RABGEF1: variants seen among roughly 807,000 people sequenced by gnomAD.
RABGEF1 encodes rab5 GDP/GTP exchange factor.
RABGEF1 carries 26 observed loss-of-function variants against 57.3 expected under a neutral mutation model. That is an observed-to-expected ratio of 0.45 (90% CI 0.33 to 0.63). The LOEUF is 0.63. RABGEF1 is among the 20% of genes least tolerant of loss of function. The probability of loss-of-function intolerance (pLI) is 0.02; values close to 1 mark genes in which losing one functional copy is unlikely to be tolerated. For missense variants in RABGEF1, 464 were observed against 607.6 expected (o/e 0.76, Z 2.48); for synonymous variants, 185 against 210.7 (o/e 0.88, Z 1.06).
chr7:66,699,927 A>G (rs1792972952), intron 1 of RABGEF1, among the ~76,000 whole-genome samples: 1 of 152,216 alleles, frequency 6.6e-6, no homozygotes, highest in African/African-American at 2.4e-5. Flanking sequence ...CTAAGGCAGG[A>G]AAGAGCCTGT....
chr7:66,748,888 C>A, intron 1 of RABGEF1: 1 of 244,428 alleles, frequency 4.1e-6, no homozygotes, highest in Non-Finnish European at 8.9e-6. Context: ...TTGAAACCCT[C>A]ACAGAGTTTT....
intron 1 of RABGEF1, among the ~76,000 whole-genome samples, chr7:66,698,124 A>G (rs1176808740): frequency 6.7e-6 from 1 of 148,232 alleles, no homozygotes; most frequent in Non-Finnish European, 1.5e-5. Flanking sequence ...TCAGACCAGT[A>G]CTTCAGGATA....
intron 2 of RABGEF1, among the ~76,000 whole-genome samples, chr7:66,719,373 T>A (rs1299771049): frequency 6.6e-6 from 1 of 152,104 alleles, no homozygotes; most frequent in Non-Finnish European, 1.5e-5. Flanking sequence ...CAGCTAATTT[T>A]TATATATATT....
At chr7:66,759,190 C>T (rs1693869568) in intron 1 of RABGEF1, among the ~76,000 whole-genome samples, 1 of 152,192 alleles carries the variant, frequency 6.6e-6, no homozygotes, top group Admixed American at 6.5e-5. Flanking sequence ...CCCAGGGCTG[C>T]CCCCAGGTTT....
chr7:66,707,557 A>C (rs1794281103), intron 1 of RABGEF1, among the ~76,000 whole-genome samples: 1 of 152,130 alleles, frequency 6.6e-6, no homozygotes, highest in South Asian at 2.1e-4. Context: ...TCGTGGTGGC[A>C]CACACCTGTA....
At chr7:66,683,815 A>G (rs912992095) in intron 1 of RABGEF1, among the ~76,000 whole-genome samples, 14 of 152,018 alleles carry the variant, frequency 9.2e-5, no homozygotes, top group Non-Finnish European at 2.9e-5. Context: ...ATCACGAGTC[A>G]CTGAAGTCTC....
chr7:66,773,866 A>G (rs760260710), intron 2 of RABGEF1: 9 of 417,502 alleles, frequency 2.2e-5, no homozygotes, highest in Non-Finnish European at 3.8e-5. Flanking sequence ...GGGTTTCACC[A>G]TGTTGCCCAG....
chr7:66,780,057 A>G (rs559778312), intron 3 of RABGEF1, among the ~76,000 whole-genome samples: 1 of 152,192 alleles, frequency 6.6e-6, no homozygotes, highest in Non-Finnish European at 1.5e-5. Context: ...TTTTTGTTTT[A>G]AAGCAAAAGT....
At chr7:66,790,967 C>T (rs987062867) in intron 4 of RABGEF1, among the ~76,000 whole-genome samples, 6 of 152,208 alleles carry the variant, frequency 3.9e-5, no homozygotes, top group African/African-American at 1.4e-4. Context: ...AATCTGGACC[C>T]TTCTGTCTGC....
At chr7:66,685,331 C>A (rs1346977579) in intron 1 of RABGEF1, among the ~76,000 whole-genome samples, 3 of 151,824 alleles carry the variant, frequency 2.0e-5, no homozygotes, top group Non-Finnish European at 2.9e-5. Context: ...TTACTTCTGT[C>A]TTGTATTTTA....
intron 1 of RABGEF1, among the ~76,000 whole-genome samples, chr7:66,767,077 A>G (rs1249545249): frequency 7.2e-6 from 1 of 139,764 alleles, no homozygotes; most frequent in African/African-American, 2.7e-5. Flanking sequence ...ATCTTGGCTC[A>G]CTGCAACCTC....
intron 1 of RABGEF1, among the ~76,000 whole-genome samples, chr7:66,760,497 G>A (rs952285120): frequency 6.8e-6 from 1 of 146,934 alleles, no homozygotes; most frequent in Admixed American, 6.9e-5. Flanking sequence ...AGGCTGGAGT[G>A]CAATGGCACG....
intron 1 of RABGEF1, among the ~76,000 whole-genome samples, chr7:66,696,020 C>T (rs4717310): frequency 0.5 from 75,531 of 151,116 alleles, 19,829 homozygotes; most frequent in East Asian, 0.73. Flanking sequence ...TGGGGAGAGA[C>T]AGAGCTGGGT....
intron 1 of RABGEF1, among the ~76,000 whole-genome samples, chr7:66,703,923 C>T (rs1793647133): frequency 6.6e-6 from 1 of 152,162 alleles, no homozygotes; most frequent in Admixed American, 6.6e-5. Flanking sequence ...AGTCTATGAA[C>T]ATGGGACGCT....
intron 8 of RABGEF1, among the ~76,000 whole-genome samples, chr7:66,805,911 ATTT>A (rs397966748): frequency 7.1e-6 from 1 of 140,974 alleles, no homozygotes; most frequent in Non-Finnish European, 1.6e-5. Context: ...CACCGGGCCA[ATTT>A]TTTTTTTTTT....
chr7:66,740,230 C>T (rs1798600611), upstream of RABGEF1: 1 of 152,828 alleles, frequency 6.5e-6, no homozygotes, highest in Non-Finnish European at 1.5e-5. Context: ...GCCTGGGCCT[C>T]CTAAAGATTC....
chr7:66,738,731 C>CAA (rs546724986), upstream of RABGEF1, among the ~76,000 whole-genome samples: 1,586 of 94,932 alleles, frequency 0.017, 50 homozygotes, highest in East Asian at 0.095. Context: ...GACTCTAACT[C>CAA]AAAAAAAAAA....
intron 1 of RABGEF1, among the ~76,000 whole-genome samples, chr7:66,770,626 G>A (rs1200686173): frequency 6.6e-6 from 1 of 152,116 alleles, no homozygotes; most frequent in African/African-American, 2.4e-5. Context: ...TGGGACTACA[G>A]GCATACACCA....
intron 2 of RABGEF1, among the ~76,000 whole-genome samples, chr7:66,730,345 A>G (rs1168035695): frequency 1.3e-5 from 2 of 152,134 alleles, no homozygotes; most frequent in Admixed American, 1.3e-4. Flanking sequence ...GGGATAAACA[A>G]TAGGCTCCAC....
Sources: gnomAD v4.1 joint callset for allele counts (sites outside exome capture counted in the v4.1 genomes callset) on GRCh38, gnomAD v4.1.1 for gene constraint, MANE v1.5 for transcripts, NCBI Gene and HGNC (gene_info 2026-07-23, HGNC 2026-07-21) for gene names.